RNASEH2A: variants seen among roughly 807,000 people sequenced by gnomAD.
RNASEH2A encodes the protein ribonuclease H2 subunit A.
RNASEH2A carries 30 observed loss-of-function variants against 32.7 expected under a neutral mutation model. The ratio of observed to expected loss-of-function variants is 0.92; its 90% CI spans 0.69 to 1.25. The LOEUF is 1.25. Among genes scored for constraint, RNASEH2A ranks in the 50% most tolerant of loss-of-function variants. The pLI, the probability that RNASEH2A is intolerant of heterozygous loss-of-function variation, is 0.00. For synonymous variants in RNASEH2A, 147 were observed against 165.4 expected, an observed-to-expected ratio of 0.89 and a Z score of 0.86; for missense variants, 409 against 398.1, an observed-to-expected ratio of 1.03 and a Z score of -0.23.
At chr19:12,811,861 G>C (rs1969077400) in intron 6 of RNASEH2A, among the ~76,000 whole-genome samples, 1 of 151,748 alleles carries the variant, frequency 6.6e-6, no homozygotes, top group South Asian at 2.1e-4. Context: ...AGGTTGCAGT[G>C]AGCCGAGATC....
In RNASEH2A at chr19:12,807,029, G is replaced by C; in HGVS notation, c.149G>C (p.Cys50Ser). 6.2e-7 allele frequency: 1 copy of C among 1,614,114 alleles called. No individual in the cohort carries two copies. The highest frequency in any genetic ancestry group is 8.5e-7 in the Non-Finnish European group (1 of 1,180,014). The stretch of plus-strand genomic sequence containing the variant: ...CCAGGCCCCATGGTCTACGCCATCT[G>C]TTATTGTCCCCTGCCTCGCCTGGCA... ...PVLGPMVYAI[C>S]YCPLPRLADL... Residue 50 changes from cysteine to serine, a missense_variant, in exon 2 of 8, where the codon TGT becomes TCT. Physicochemically the swap from Cys to Ser is moderately radical, Grantham distance 112. Coordinates refer to ENST00000221486, the MANE Select transcript of RNASEH2A (RefSeq NM_006397.3).
chr19:12,813,314 CCT>C lies in RNASEH2A; in HGVS notation c.762-8_762-7del. The C allele has an allele frequency of 6.2e-7, 1 of 1,614,142 alleles. No homozygotes were observed. The highest frequency in any genetic ancestry group is 1.1e-5 in the South Asian group (1 of 91,082). Reference sequence around the variant, plus strand: ...CCTGTGTAAGTGGTCACTGTCATCACCTCTCTCCCACAGGGAGGACTCAGCAT... The same window carrying C: ...CCTGTGTAAGTGGTCACTGTCATCACCTCTCCCACAGGGAGGACTCAGCAT... On this transcript the variant is annotated splice_polypyrimidine_tract_variant and intron_variant, in intron 7 of 7. Transcript: ENST00000221486.
intron 1 of RNASEH2A, 48 bp downstream of exon 1, chr19:12,806,848 G>T: frequency 6.3e-7 from 1 of 1,593,896 alleles, no homozygotes; most frequent in Non-Finnish European, 8.5e-7. Flanking sequence ...CGGAGGATGC[G>T]GGAAACGGGA....
Position 12,813,574 on chromosome 19 carries a change from G to A in RNASEH2A, c.*108G>A, listed in dbSNP as rs1969108564. 3 of 1,418,022 alleles carry A rather than the reference G, an allele frequency of 2.1e-6. No individual in the cohort carries two copies. The highest frequency in any genetic ancestry group is 3.0e-6 in the Non-Finnish European group (3 of 1,016,266). 87.8% of individuals were successfully genotyped at this position (1,418,022 alleles called of 1,614,324 possible). ...TTTGGGACAGAAGCAAGGTGGGAGT[G>A]TGCTCTGCAGCCGGGTCCAGCTACT... is the stretch of plus-strand genomic sequence containing the variant. On this transcript the variant is annotated 3_prime_UTR_variant, in exon 8 of 8. Coordinates refer to ENST00000221486, the MANE Select transcript of RNASEH2A (RefSeq NM_006397.3).
intron 4 of RNASEH2A, among the ~76,000 whole-genome samples, chr19:12,809,424 C>T (rs1490924486): frequency 1.3e-5 from 2 of 152,182 alleles, no homozygotes; most frequent in East Asian, 3.8e-4. Context: ...GCTGTTCTCA[C>T]ACCTAGAGCC....
At chr19:12,811,980 G>T (rs902753709) in intron 6 of RNASEH2A, among the ~76,000 whole-genome samples, 3 of 151,774 alleles carry the variant, frequency 2.0e-5, no homozygotes, top group African/African-American at 7.3e-5. Context: ...GCTCATGCCC[G>T]TAATCCTAGC....
In RNASEH2A at chr19:12,807,306, C is replaced by T; in HGVS notation, c.300C>T (p.Leu100=). 6.2e-7 allele frequency: 1 copy of T among 1,614,186 alleles called. No individual in the cohort carries two copies. The highest frequency in any genetic ancestry group is 2.2e-5 in the East Asian group (1 of 44,868). ...CGCTGGATGTGCTGTCTCCAAACCT[C>T]ATCTCTACCAGCATGCTTGGGCGGT... ...GWALDVLSPN[L]ISTSMLGRVK... is the part of the protein sequence containing the mutation. Residue 100 remains leucine, a synonymous_variant, in exon 3 of 8, where the codon CTC becomes CTT. Coordinates refer to ENST00000221486, the MANE Select transcript of RNASEH2A (RefSeq NM_006397.3).
chr19:12,807,544 A>G (rs768343451), intron 4 of RNASEH2A, 38 bp downstream of exon 4: 1 of 1,531,644 alleles, frequency 6.5e-7, no homozygotes, highest in South Asian at 1.1e-5. Flanking sequence ...TGGTCATCTC[A>G]GGATAAAATG....
intron 6 of RNASEH2A, 130 bp from the exon 7 acceptor site, chr19:12,812,953 T>A: frequency 7.8e-7 from 1 of 1,281,844 alleles, no homozygotes; most frequent in Non-Finnish European, 1.1e-6. Context: ...TGCAGTGAGC[T>A]GAGATCGCGC....
chr19:12,807,979 A>C (rs962551489), intron 4 of RNASEH2A: 1 of 232,504 alleles, frequency 4.3e-6, no homozygotes, highest in Non-Finnish European at 8.6e-6. Flanking sequence ...GACCAGGCGC[A>C]GTGGCTCACG....
At chr19:12,811,754 C>T (rs1223895323) in intron 6 of RNASEH2A, among the ~76,000 whole-genome samples, 1 of 151,626 alleles carries the variant, frequency 6.6e-6, no homozygotes, top group Non-Finnish European at 1.5e-5. Flanking sequence ...CCCATCTCTA[C>T]TAAAAATACA....
intron 4 of RNASEH2A, among the ~76,000 whole-genome samples, chr19:12,808,574 A>G (rs891599174): frequency 6.6e-6 from 1 of 151,830 alleles, no homozygotes; most frequent in Admixed American, 6.6e-5. Context: ...ATCCCCTCCA[A>G]TCTGTTCCCC....
In RNASEH2A at chr19:12,810,567, T is replaced by G. The variant is rs10409938; in HGVS notation, c.637+163T>G. Among the ~76,000 whole-genome samples, 10,088 of 152,200 alleles carry G rather than the reference T, an allele frequency of 0.066. 536 individuals are homozygous for G. The highest frequency in any genetic ancestry group is 0.15 in the African/African-American group (6,026 of 41,506). On this transcript the variant is annotated intron_variant, in intron 6 of 7. Coordinates refer to ENST00000221486, the MANE Select transcript of RNASEH2A (RefSeq NM_006397.3). ...TTTTTTGAGACGGAGTTTCGCTCTT[T>G]TTGCCCAGGCTGGAGTGTAATGGTG...
chr19:12,811,738 T>G (rs1011124552), intron 6 of RNASEH2A, among the ~76,000 whole-genome samples: 1 of 151,402 alleles, frequency 6.6e-6, no homozygotes, highest in Admixed American at 6.6e-5. Context: ...ACCAACGTGG[T>G]GAAACCCCAT....
chr19:12,807,536 G>T, intron 4 of RNASEH2A, 30 bp downstream of exon 4: 1 of 1,569,566 alleles, frequency 6.4e-7, no homozygotes, highest in Non-Finnish European at 8.8e-7. Context: ...TCCCCATTTG[G>T]TCATCTCAGG....
Position 12,810,387 on chromosome 19 carries a change from G to A in RNASEH2A, c.620G>A (p.Gly207Asp), listed in dbSNP as rs1969056443. 1 of 1,614,110 alleles carries A rather than the reference G, an allele frequency of 6.2e-7. No individual in the cohort carries two copies. Among genetic ancestry groups the A allele is most frequent in the Non-Finnish European group, 8.5e-7 (1 of 1,179,984 alleles). The change falls in exon 6 of 8, where the codon GGC becomes GAC. Residue 207 changes from glycine (G) to aspartate (D), a missense_variant. Coordinates refer to ENST00000221486, the MANE Select transcript of RNASEH2A (RefSeq NM_006397.3). ...EKLQDLDTDY[G>D]SGYPNDPKTK... ...CTGCAGGACTTGGATACTGATTATG[G>A]CTCAGGCTACCCCAATGGTGAGCAG...
rs1232367250 is a variant in RNASEH2A, at chr19:12,807,193, A to G, written c.200-13A>G. 1 of 1,613,928 alleles carries G rather than the reference A, an allele frequency of 6.2e-7. No homozygotes were observed. The highest frequency in any genetic ancestry group is 8.5e-7 in the Non-Finnish European group (1 of 1,179,986). On this transcript the variant is annotated splice_polypyrimidine_tract_variant and intron_variant, in intron 2 of 7. Transcript: ENST00000221486. Reference sequence around the variant, plus strand: ...AACCAGCTGTTCCCCTTCTCTTCCAAACCTCCTCCCAGACTCAAAGACCCT... The same window carrying G: ...AACCAGCTGTTCCCCTTCTCTTCCAGACCTCCTCCCAGACTCAAAGACCCT...
intron 6 of RNASEH2A, among the ~76,000 whole-genome samples, chr19:12,812,105 G>A (rs1025589493): frequency 2.6e-5 from 4 of 151,364 alleles, no homozygotes; most frequent in Non-Finnish European, 4.4e-5. Context: ...GTGGTGGTGC[G>A]CACCTGTAGT....
rs1420226671 is a variant in RNASEH2A, at chr19:12,810,069, A to C, written c.412-2A>C. On this transcript the variant is annotated splice_acceptor_variant, in intron 4 of 7. Coordinates refer to ENST00000221486, the MANE Select transcript of RNASEH2A (RefSeq NM_006397.3). LOFTEE classifies it high-confidence loss of function. Reference sequence around the variant, plus strand: ...ATTAATATGTGTCTGTTGCTGTGGCAGGTATTCGTGGACACCGTAGGGATG... The same window carrying C: ...ATTAATATGTGTCTGTTGCTGTGGCCGGTATTCGTGGACACCGTAGGGATG... The C allele has an allele frequency of 3.1e-6, 5 of 1,614,020 alleles. No homozygotes were observed. The highest frequency in any genetic ancestry group is 4.2e-6 in the Non-Finnish European group (5 of 1,180,028).
Sources: allele counts gnomAD v4.1 joint callset (sites outside exome capture counted in the v4.1 genomes callset), GRCh38; gene constraint gnomAD v4.1.1; transcripts MANE v1.5; gene names NCBI Gene and HGNC (gene_info 2026-07-23, HGNC 2026-07-21).